ADH1A: variants seen among roughly 807,000 people sequenced by gnomAD.
ADH1A encodes the protein alcohol dehydrogenase 1A.
In ADH1A, 29 loss-of-function variants were observed where a neutral mutation model predicts 35.2. The observed-to-expected ratio is 0.82, with a 90% CI of 0.61 to 1.12. The LOEUF is 1.12. Among genes scored for constraint, ADH1A ranks in the 50% most tolerant of loss-of-function variants. ADH1A has a pLI of 0.00. For synonymous variants in ADH1A, 147 were observed against 164.8 expected (o/e 0.89, Z 0.83); for missense variants, 469 against 464.7 (o/e 1.01, Z -0.09).
intron 6 of ADH1A, 116 bp from the exon 7 acceptor site, chr4:99,280,395 T>A: frequency 6.5e-7 from 1 of 1,530,248 alleles, no homozygotes; most frequent in Non-Finnish European, 8.9e-7. Flanking sequence ...GGGAAGAGAT[T>A]ATGTCTTTTG....
At chr4:99,287,759 C>G in intron 1 of ADH1A, 94 bp from the exon 2 acceptor site, 2 of 1,377,014 alleles carry the variant, frequency 1.5e-6, no homozygotes, top group East Asian at 2.3e-5. Context: ...ACATCTAATC[C>G]CATGTCTGGT....
chr4:99,278,470 G>A (rs1560516472), intron 8 of ADH1A: 1 of 152,112 alleles, frequency 6.6e-6, no homozygotes, highest in Non-Finnish European at 1.5e-5. Flanking sequence ...GATTGAGACT[G>A]ACACCGAGCA....
chr4:99,282,997 A>G (rs530069651), intron 5 of ADH1A, among the ~76,000 whole-genome samples: 1 of 152,322 alleles, frequency 6.6e-6, no homozygotes, highest in African/African-American at 2.4e-5. Context: ...AAATCCCTTG[A>G]TAGCCAGCTT....
At chr4:99,288,799 A>G (rs1038491239) in intron 1 of ADH1A, 4 of 152,094 alleles carry the variant, frequency 2.6e-5, no homozygotes, top group African/African-American at 9.7e-5. Flanking sequence ...AGTTATTTGC[A>G]TTATATTTAT....
chr4:99,289,204 T>C (rs1008779081), intron 1 of ADH1A, among the ~76,000 whole-genome samples: 1 of 152,224 alleles, frequency 6.6e-6, no homozygotes, highest in Non-Finnish European at 1.5e-5. Context: ...ATATTTTCTT[T>C]ATCTACTCGT....
At chr4:99,284,644 C>G (rs959768729) in intron 4 of ADH1A, 26 bp from the exon 5 acceptor site, 8 of 1,613,912 alleles carry the variant, frequency 5.0e-6, no homozygotes, top group Non-Finnish European at 6.8e-6. Context: ...CAAAGACACA[C>G]AAAGGCATGA....
At position 99,280,192 on chromosome 4, in the gene ADH1A, G is replaced by C. The variant is rs755894089; in HGVS notation, c.916C>G (p.Pro306Ala). ...GTACGTCCAGTCAGTAGCAGCATAG[G>C]GTTCATTGAGAGGTTTTGGGAATCA... ...PPDSQNLSMN[P>A]MLLLTGRTWK... Residue 306 changes from proline to alanine, a missense_variant, in exon 7 of 9, where the codon CCT becomes GCT. By Grantham distance (27) the Pro-to-Ala change is conservative. Coordinates refer to ENST00000209668, the MANE Select transcript of ADH1A (RefSeq NM_000667.4). 2 of 1,613,786 alleles carry C rather than the reference G, an allele frequency of 1.2e-6. No homozygotes were observed. The highest frequency in any genetic ancestry group is 2.2e-5 in the South Asian group (2 of 91,066).
chr4:99,278,940 AAG>A (rs1316734059), intron 8 of ADH1A, among the ~76,000 whole-genome samples: 1 of 152,144 alleles, frequency 6.6e-6, no homozygotes, highest in East Asian at 1.9e-4. Context: ...AAAAAGGAAA[AAG>A]AAAAAACTAG....
chr4:99,281,927 T>C (rs142725701), intron 6 of ADH1A: 5,034 of 201,668 alleles, frequency 0.025, 87 homozygotes, highest in Non-Finnish European at 0.032. Context: ...AATACTAATA[T>C]GTTTAAAAAA....
Position 99,279,584 on chromosome 4 carries a change from A to G in ADH1A, c.965-20T>C, listed in dbSNP as rs933581048. 11 of 1,601,686 alleles carry G rather than the reference A, an allele frequency of 6.9e-6. No homozygotes were observed. The highest frequency in any genetic ancestry group is 9.4e-6 in the Non-Finnish European group (11 of 1,176,052). ...TAAAGCCTGAAAAGAAGATGGTATC[A>G]TTGTTAGATTCAACCAGGGTAAGTA... is the stretch of plus-strand genomic sequence containing the variant. On this transcript the variant is annotated intron_variant, in intron 7 of 8. Transcript: ENST00000209668.
chr4:99,284,391 AT>A lies in ADH1A; in HGVS notation c.567+7del. 1 of 1,614,058 alleles carries A rather than the reference AT, an allele frequency of 6.2e-7. No individual in the cohort carries two copies. The highest frequency in any genetic ancestry group is 8.5e-7 in the Non-Finnish European group (1 of 1,179,952). On this transcript the variant is annotated splice_region_variant and intron_variant, in intron 5 of 8. Transcript: ENST00000209668. Reference sequence around the variant, plus strand: ...GTAACTGTTTTTATCACCCATTGCCATTCTTACCTTGGCAACATTGACTGCA... The same window carrying A: ...GTAACTGTTTTTATCACCCATTGCCATCTTACCTTGGCAACATTGACTGCA...
chr4:99,276,502 A>G lies in ADH1A; in HGVS notation c.*122T>C. ...ATTTCCATTTCTTTGGAAAGCCCCCAAATGTAATTTATTGATAAAATCTGT... is the reference window on the plus strand; with the variant it reads ...ATTTCCATTTCTTTGGAAAGCCCCCGAATGTAATTTATTGATAAAATCTGT... On this transcript the variant is annotated 3_prime_UTR_variant, in exon 9 of 9. Coordinates refer to ENST00000209668, the MANE Select transcript of ADH1A (RefSeq NM_000667.4). 2.2e-6 allele frequency: 2 copies of G among 901,348 alleles called. No homozygotes were observed. Among genetic ancestry groups the G allele is most frequent in the Non-Finnish European group, 3.6e-6 (2 of 558,574 alleles). 55.8% of individuals were successfully genotyped at this position (901,348 alleles called of 1,614,324 possible).
At chr4:99,288,414 A>G (rs1436540216) in intron 1 of ADH1A, among the ~76,000 whole-genome samples, 1 of 152,072 alleles carries the variant, frequency 6.6e-6, no homozygotes, top group Non-Finnish European at 1.5e-5. Context: ...AATTGGAGAC[A>G]CTGTGTGTTT....
intron 2 of ADH1A, 57 bp downstream of exon 2, chr4:99,287,507 T>C: frequency 6.4e-7 from 1 of 1,561,968 alleles, no homozygotes; most frequent in Non-Finnish European, 8.7e-7. Flanking sequence ...GTTGTTTCCG[T>C]TTTTTAACTT....
At chr4:99,280,313 T>C (rs1732969781) in intron 6 of ADH1A, 34 bp from the exon 7 acceptor site, 1 of 1,611,716 alleles carries the variant, frequency 6.2e-7, no homozygotes. Flanking sequence ...ATTCTTAACA[T>C]GGAGTCGCAT....
intron 7 of ADH1A, 126 bp from the exon 8 acceptor site, chr4:99,279,690 TAA>T: frequency 8.5e-7 from 1 of 1,170,698 alleles, no homozygotes; most frequent in South Asian, 1.4e-5. Context: ...CTGAGGTTAA[TAA>T]GAGATACAGT....
chr4:99,280,621 T>A (rs1278997089), intron 6 of ADH1A, among the ~76,000 whole-genome samples: 1 of 152,202 alleles, frequency 6.6e-6, no homozygotes, highest in African/African-American at 2.4e-5. Context: ...AGGCAATCTG[T>A]GAGTTGGTTA....
chr4:99,286,821 A>G (rs1328590403), intron 3 of ADH1A, 29 bp downstream of exon 3: 3 of 1,611,296 alleles, frequency 1.9e-6, no homozygotes, highest in Non-Finnish European at 2.5e-6. Flanking sequence ...ATGGTGAACC[A>G]TCATGTTTCC....
At chr4:99,282,978 C>G (rs141829150) in intron 5 of ADH1A, among the ~76,000 whole-genome samples, 1 of 152,132 alleles carries the variant, frequency 6.6e-6, no homozygotes. Context: ...AAGGGACTCT[C>G]GATTGCTGAA....
Sources: allele counts gnomAD v4.1 joint callset (sites outside exome capture counted in the v4.1 genomes callset), GRCh38; gene constraint gnomAD v4.1.1; transcripts MANE v1.5; gene names NCBI Gene and HGNC (gene_info 2026-07-23, HGNC 2026-07-21).